The following GPD1L variants were observed in gnomAD, a reference collection of about 807,000 sequenced individuals.
The protein encoded by GPD1L is glycerol-3-phosphate dehydrogenase 1 like.
A neutral mutation model predicts 32.9 loss-of-function variants in GPD1L; 17 were observed. The ratio of observed to expected loss-of-function variants is 0.52; its 90% CI spans 0.35 to 0.78. GPD1L has a LOEUF of 0.78. Ranked by LOEUF, GPD1L falls within the 30% of genes least tolerant of loss-of-function variation. The pLI, the probability that GPD1L is intolerant of heterozygous loss-of-function variation, is 0.01. For missense variants in GPD1L, 361 were observed against 447.8 expected, an observed-to-expected ratio of 0.81 and a Z score of 1.75; for synonymous variants, 187 against 165.9, an observed-to-expected ratio of 1.13 and a Z score of -0.98.
chr3:32,106,747 C>T lies in GPD1L; in HGVS notation c.36C>T (p.Gly12=). Residue 12 remains glycine (G), a synonymous_variant, in exon 1 of 8, where the codon GGC becomes GGT. Coordinates refer to ENST00000282541, the MANE Select transcript of GPD1L (RefSeq NM_015141.4). The surrounding 1 kb of genome is among the most constrained non-coding windows in gnomAD (Gnocchi z 4.0). The stretch of plus-strand genomic sequence containing the variant: ...CGCCCCTGAAAGTGTGCATCGTGGG[C>T]TCGGGGAACTGGTGAGCGGCGGCGG... ...AAAPLKVCIV[G]SGNWGSAVAK... The T allele has an allele frequency of 6.4e-7, 1 of 1,557,922 alleles. No individual in the cohort carries two copies. Among genetic ancestry groups the T allele is most frequent in the Non-Finnish European group, 8.7e-7 (1 of 1,152,718 alleles).
chr3:32,143,781 C>T (rs1462583744), intron 4 of GPD1L, among the ~76,000 whole-genome samples: 2 of 151,766 alleles, frequency 1.3e-5, no homozygotes, highest in Admixed American at 6.6e-5. Flanking sequence ...AGTTTGAGAC[C>T]AGCCTTGTCA....
intron 1 of GPD1L, among the ~76,000 whole-genome samples, chr3:32,114,514 G>A (rs925943890): frequency 6.6e-5 from 10 of 152,168 alleles, no homozygotes; most frequent in Admixed American, 5.9e-4. Context: ...ATGTTTCACA[G>A]TAACAAATGT....
At chr3:32,125,423 G>C (rs1414131402) in intron 1 of GPD1L, among the ~76,000 whole-genome samples, 4 of 152,216 alleles carry the variant, frequency 2.6e-5, no homozygotes, top group South Asian at 4.1e-4. Context: ...AAGCACTGCT[G>C]TGTCTGCTCT....
At chr3:32,164,155 C>G (rs11129499) in intron 7 of GPD1L, among the ~76,000 whole-genome samples, 60,330 of 152,058 alleles carry the variant, frequency 0.4, 13,101 homozygotes, top group East Asian at 0.6. Context: ...GGTGAGTAGT[C>G]TCTTCCAACC....
rs1407209929 is a variant in GPD1L at position 32,162,559 on chromosome 3, G to A, written c.959+2885G>A. On this transcript the variant is annotated intron_variant, in intron 7 of 7. Transcript: ENST00000282541. ...CGCCACCGCGCCCGGCTAATTTTTT[G>A]TATTTTTAGTAGAGACGGGGTTTCA... Among the ~76,000 whole-genome samples, 5 of 75,600 alleles carry A rather than the reference G, an allele frequency of 6.6e-5. 2 individuals are homozygous for A. The highest frequency in any genetic ancestry group is 2.2e-4 in the African/African-American group (3 of 13,768). The allele number at this position is 75,600 out of a possible 152,430, so 49.6% of individuals were successfully genotyped here. A position where few individuals can be genotyped will look rare whatever the true frequency, so the allele number is the denominator to read the frequency against.
chr3:32,113,663 A>T (rs1700285208), intron 1 of GPD1L, among the ~76,000 whole-genome samples: 1 of 152,208 alleles, frequency 6.6e-6, no homozygotes, highest in Non-Finnish European at 1.5e-5. Context: ...GGAGAACTGA[A>T]TCAGTCATCT....
chr3:32,132,477 A>G (rs7648042), intron 2 of GPD1L, among the ~76,000 whole-genome samples: 5,173 of 152,312 alleles, frequency 0.034, 291 homozygotes, highest in African/African-American at 0.12. Flanking sequence ...GGGTTGGGGT[A>G]ATACCTATTA....
At chr3:32,138,396 G>C (rs965798690) in intron 2 of GPD1L, among the ~76,000 whole-genome samples, 191 bp from the exon 3 acceptor site, 1 of 152,204 alleles carries the variant, frequency 6.6e-6, no homozygotes, top group African/African-American at 2.4e-5. Context: ...GCTGGTGACA[G>C]AGGCAAACCC....
In GPD1L at chr3:32,166,207, A is replaced by G. The variant is rs1701144974; in HGVS notation, c.*297A>G. On this transcript the variant is annotated 3_prime_UTR_variant, in exon 8 of 8. Coordinates refer to ENST00000282541, the MANE Select transcript of GPD1L (RefSeq NM_015141.4). Reference sequence around the variant, plus strand: ...AAAATTGCTTATGAAATTTCCACACAATCGTAGCTTATAAGATTGGAACGA... The same window carrying G: ...AAAATTGCTTATGAAATTTCCACACGATCGTAGCTTATAAGATTGGAACGA... 2.1e-5 allele frequency: 9 copies of G among 431,730 alleles called. 1 individual carries two copies. The highest frequency in any genetic ancestry group is 3.8e-5 in the Admixed American group (1 of 26,414). The allele number at this position is 431,730 out of a possible 1,614,324, so 26.7% of individuals were successfully genotyped here.
chr3:32,136,334 A>C lies in GPD1L; in HGVS notation c.226-2253A>C, dbSNP rs146727767. On this transcript the variant is annotated intron_variant, in intron 2 of 7. Coordinates refer to ENST00000282541, the MANE Select transcript of GPD1L (RefSeq NM_015141.4). The stretch of plus-strand genomic sequence containing the variant: ...GAATAAGGAAGCATCTGTTTCCCAG[A>C]AGACATCTACTGGTTTCTTGTTGGC... Among the ~76,000 whole-genome samples, 534 of 152,346 alleles carry C rather than the reference A, an allele frequency of 3.5e-3. 2 individuals are homozygous for C. Among genetic ancestry groups the C allele is most frequent in the Middle Eastern group, 0.024 (7 of 294 alleles).
chr3:32,131,013 T>TA (rs563843656), intron 2 of GPD1L, among the ~76,000 whole-genome samples: 9 of 147,358 alleles, frequency 6.1e-5, no homozygotes, highest in Non-Finnish European at 7.5e-5. Flanking sequence ...AGACTCCATC[T>TA]AAAAAAAAAA....
chr3:32,153,188 G>A (rs1034911492), intron 5 of GPD1L, among the ~76,000 whole-genome samples: 3 of 152,078 alleles, frequency 2.0e-5, no homozygotes, highest in Admixed American at 6.6e-5. Context: ...AAACCATGCC[G>A]GGATGCCCAG....
chr3:32,127,514 C>T (rs1700527119), intron 1 of GPD1L, among the ~76,000 whole-genome samples: 1 of 152,238 alleles, frequency 6.6e-6, no homozygotes, highest in African/African-American at 2.4e-5. Flanking sequence ...GTCACTAGAA[C>T]ATGTTTGCTA....
At chr3:32,152,951 G>A (rs780789248) in intron 5 of GPD1L, among the ~76,000 whole-genome samples, 9 of 152,152 alleles carry the variant, frequency 5.9e-5, no homozygotes, top group Non-Finnish European at 8.8e-5. Context: ...TACACTAGGT[G>A]TGACCATAAC....
intron 5 of GPD1L, among the ~76,000 whole-genome samples, chr3:32,153,190 G>A (rs768547691): frequency 6.6e-6 from 1 of 152,168 alleles, no homozygotes; most frequent in South Asian, 2.1e-4. Flanking sequence ...ACCATGCCGG[G>A]ATGCCCAGCT....
At chr3:32,135,462 G>GTT (rs200822415) in intron 2 of GPD1L, among the ~76,000 whole-genome samples, 2 of 151,636 alleles carry the variant, frequency 1.3e-5, no homozygotes, top group African/African-American at 2.4e-5. Flanking sequence ...GTTTTGTTTT[G>GTT]TTTTTTTTGA....
At chr3:32,145,977 C>T (rs532980290) in intron 4 of GPD1L, among the ~76,000 whole-genome samples, 3 of 152,130 alleles carry the variant, frequency 2.0e-5, no homozygotes, top group East Asian at 1.9e-4. Flanking sequence ...TGGCCAGTCT[C>T]ATTTCATCCA....
At chr3:32,124,698 G>A (rs1700479703) in intron 1 of GPD1L, among the ~76,000 whole-genome samples, 1 of 152,196 alleles carries the variant, frequency 6.6e-6, no homozygotes, top group Non-Finnish European at 1.5e-5. Flanking sequence ...GGCCAAGGTG[G>A]GAGGATCGTT....
At chr3:32,116,559 C>G (rs1700336064) in intron 1 of GPD1L, among the ~76,000 whole-genome samples, 1 of 143,344 alleles carries the variant, frequency 7.0e-6, no homozygotes, top group Non-Finnish European at 1.5e-5. Context: ...AAGAGAGTAG[C>G]TTTGCCAGGA....
Sources: gnomAD v4.1 joint callset for allele counts (sites outside exome capture counted in the v4.1 genomes callset) on GRCh38, gnomAD v4.1.1 for gene constraint, Gnocchi (gnomAD v3.1) non-coding constraint, MANE v1.5 for transcripts, NCBI Gene and HGNC (gene_info 2026-07-23, HGNC 2026-07-21) for gene names.